Variants in ARAP2 observed in about 807,000 individuals in gnomAD.
ARAP2 encodes the protein ArfGAP with RhoGAP domain, ankyrin repeat and PH domain 2.
In ARAP2, 148 loss-of-function variants were observed where a neutral mutation model predicts 194.5. That is an observed-to-expected ratio of 0.76 (90% CI 0.67 to 0.87). The LOEUF is 0.87. Among genes scored for constraint, ARAP2 ranks in the 40% least tolerant of loss-of-function variants. The pLI, the probability that ARAP2 is intolerant of heterozygous loss-of-function variation, is 0.00. For missense variants in ARAP2, 2,128 were observed against 1,989.7 expected (o/e 1.07, Z -1.32); for synonymous variants, 695 against 683.5 (o/e 1.02, Z -0.26).
chr4:36,016,900 G>T (rs921989302), intron 6 of ARAP2, among the ~76,000 whole-genome samples: 2 of 151,962 alleles, frequency 1.3e-5, no homozygotes, highest in African/African-American at 2.4e-5. Flanking sequence ...TCCATTTATG[G>T]TACACTTTTT....
chr4:36,151,530 T>A (rs1730969214), intron 15 of ARAP2, among the ~76,000 whole-genome samples: 1 of 152,010 alleles, frequency 6.6e-6, no homozygotes, highest in East Asian at 1.9e-4. Flanking sequence ...AATCAGAACA[T>A]CACCTAAAAT....
In ARAP2 at chr4:36,229,346, C is replaced by A. The variant is rs758809187; in HGVS notation, c.141G>T (p.Gln47His). 1.2e-6 allele frequency: 2 copies of A among 1,614,078 alleles called. No homozygotes were observed. The highest frequency in any genetic ancestry group is 1.1e-5 in the South Asian group (1 of 91,082). ...DCAAINDSLL[Q>H]KIGISPTGHR... ...GACCTGTAGGTGATATTCCAATTTT[C>A]TGCAGCAGGCTGTCATTTATTGCTG... is the stretch of plus-strand genomic sequence containing the variant. The change falls in exon 2 of 33, where the codon CAG (glutamine) becomes CAT (histidine). Residue 47 changes from glutamine to histidine, a missense_variant. By Grantham distance (24) the Gln-to-His change is conservative. Transcript: ENST00000303965.
intron 5 of ARAP2, among the ~76,000 whole-genome samples, chr4:36,021,082 T>C (rs756794956): frequency 2.0e-5 from 3 of 152,220 alleles, no homozygotes; most frequent in Non-Finnish European, 4.4e-5. Context: ...TTGGAAATGA[T>C]AGGTTAGAGG....
At chr4:36,149,745 A>G (rs1190058227) in intron 16 of ARAP2, among the ~76,000 whole-genome samples, 1 of 152,186 alleles carries the variant, frequency 6.6e-6, no homozygotes, top group Non-Finnish European at 1.5e-5. Flanking sequence ...TAAAACAAAA[A>G]CAAGTCAATT....
intron 2 of ARAP2, among the ~76,000 whole-genome samples, chr4:36,053,886 GA>G (rs1470489877): frequency 6.6e-6 from 1 of 152,130 alleles, no homozygotes. Flanking sequence ...ATCCACTTAT[GA>G]AATTGCTAAG....
intron 11 of ARAP2, among the ~76,000 whole-genome samples, chr4:36,163,519 A>ACCT (rs914363359): frequency 1.7e-4 from 26 of 152,102 alleles, no homozygotes; most frequent in Admixed American, 1.6e-3. Context: ...AAACTTAGGA[A>ACCT]GTTAAAGGAA....
chr4:36,031,240 T>G (rs1164377629), intron 5 of ARAP2, among the ~76,000 whole-genome samples: 1 of 152,236 alleles, frequency 6.6e-6, no homozygotes, highest in African/African-American at 2.4e-5. Context: ...ATTTATATTA[T>G]TTCCCTTCTA....
chr4:36,035,944 T>C (rs1444128205), intron 5 of ARAP2, among the ~76,000 whole-genome samples: 3 of 152,174 alleles, frequency 2.0e-5, no homozygotes, highest in African/African-American at 4.8e-5. Context: ...AATCAGATGA[T>C]GATTTTGCAG....
intron 32 of ARAP2, among the ~76,000 whole-genome samples, chr4:36,071,369 G>C (rs770274834): frequency 1.1e-4 from 16 of 152,120 alleles, no homozygotes; most frequent in Non-Finnish European, 1.9e-4. Flanking sequence ...AGGACCACAG[G>C]TAGTATCTAG....
At chr4:36,029,474 C>T (rs553343917) in intron 5 of ARAP2, among the ~76,000 whole-genome samples, 4 of 151,934 alleles carry the variant, frequency 2.6e-5, no homozygotes, top group Non-Finnish European at 5.9e-5. Context: ...ATTTGTCCAC[C>T]CCCGTGGTTT....
intron 8 of ARAP2, among the ~76,000 whole-genome samples, chr4:36,181,510 C>T (rs1010917676): frequency 2.6e-5 from 4 of 152,062 alleles, no homozygotes; most frequent in African/African-American, 4.8e-5. Flanking sequence ...CTAGAGATTA[C>T]TACATAAGGG....
intron 1 of ARAP2, among the ~76,000 whole-genome samples, chr4:36,230,116 T>C (rs1485005075): frequency 1.3e-5 from 2 of 152,214 alleles, no homozygotes; most frequent in Admixed American, 6.5e-5. Context: ...TCTTTTCTAC[T>C]GGACAAAAAT....
At chr4:36,243,611 T>A (rs111455090) in intron 1 of ARAP2, 1 of 152,154 alleles carries the variant, frequency 6.6e-6, no homozygotes, top group Non-Finnish European at 1.5e-5. Context: ...AAACTTACTT[T>A]ATTAAATAGG....
Position 36,068,133 on chromosome 4 carries a change from T to C in ARAP2, c.4889A>G (p.His1630Arg). Reference protein sequence around the residue: ...DDKLRNRPRKHRSFNCLEDTE... With the variant: ...DDKLRNRPRKRRSFNCLEDTE... ...GTCCTCCAGGCAGTTGAAACTCCGA[T>C]GTTTTCGGGGTCGATTTCGAAGTTT... is the stretch of plus-strand genomic sequence containing the variant. The change falls in exon 33 of 33, where the codon CAT (histidine) becomes CGT (arginine). Residue 1630 changes from histidine to arginine, a missense_variant. By Grantham distance (29) the His-to-Arg change is conservative. Coordinates refer to ENST00000303965, the MANE Select transcript of ARAP2 (RefSeq NM_015230.4). The C allele has an allele frequency of 1.9e-6, 3 of 1,614,154 alleles. No individual in the cohort carries two copies. Among genetic ancestry groups the C allele is most frequent in the Non-Finnish European group, 2.5e-6 (3 of 1,179,992 alleles).
chr4:36,017,477 T>C (rs1716037197), intron 6 of ARAP2, among the ~76,000 whole-genome samples: 1 of 143,576 alleles, frequency 7.0e-6, no homozygotes, highest in Admixed American at 7.2e-5. Context: ...GAAAGGGAGA[T>C]GGGAGGAGTT....
At chr4:36,193,804 A>G (rs947656945) in intron 6 of ARAP2, among the ~76,000 whole-genome samples, 157 bp from the exon 7 acceptor site, 10 of 152,230 alleles carry the variant, frequency 6.6e-5, no homozygotes, top group Non-Finnish European at 1.3e-4. Context: ...GCCATGGCAC[A>G]TAGGAAAAAA....
Position 36,210,379 on chromosome 4 carries a change from T to A in ARAP2, c.1487+11A>T. 6.4e-7 allele frequency: 1 copy of A among 1,567,492 alleles called. No homozygotes were observed. Among genetic ancestry groups the A allele is most frequent in the Admixed American group, 2.0e-5 (1 of 49,292 alleles). On this transcript the variant is annotated intron_variant, in intron 6 of 32. Transcript: ENST00000303965. ...ATATGCCACTTATGAAATAAATGCA[T>A]ACGTACATACCCTTGAGGAGAGAGT...
chr4:36,216,272 A>T (rs984652185), intron 2 of ARAP2, among the ~76,000 whole-genome samples: 9 of 152,192 alleles, frequency 5.9e-5, no homozygotes, highest in African/African-American at 1.9e-4. Context: ...TAAATAAAAT[A>T]AACAAAATGG....
chr4:36,238,799 C>T (rs1447930595), intron 1 of ARAP2, among the ~76,000 whole-genome samples: 1 of 152,130 alleles, frequency 6.6e-6, no homozygotes, highest in Non-Finnish European at 1.5e-5. Flanking sequence ...ATTTATTTTG[C>T]ATCTATCACT....
Sources: allele counts gnomAD v4.1 joint callset (sites outside exome capture counted in the v4.1 genomes callset), GRCh38; gene constraint gnomAD v4.1.1; transcripts MANE v1.5; gene names NCBI Gene and HGNC (gene_info 2026-07-23, HGNC 2026-07-21).